Variants in DSCAM observed in about 807,000 individuals in gnomAD.
DSCAM encodes the protein cell adhesion molecule DSCAM.
Under a neutral mutation model 217.7 loss-of-function variants are expected in DSCAM, and 47 were observed. The ratio of observed to expected loss-of-function variants is 0.22; its 90% CI spans 0.17 to 0.28. The LOEUF (loss-of-function observed/expected upper bound fraction) is 0.28. Ranked by LOEUF, DSCAM falls within the 10% of genes least tolerant of loss-of-function variation. The probability of loss-of-function intolerance (pLI) is 1.00; values close to 1 mark genes in which losing one functional copy is unlikely to be tolerated. For missense variants in DSCAM, 2,080 were observed against 2,618.3 expected, an observed-to-expected ratio of 0.79 and a Z score of 4.49; for synonymous variants, 1,056 against 1,015.3, an observed-to-expected ratio of 1.04 and a Z score of -0.76.
intron 16 of DSCAM, among the ~76,000 whole-genome samples, chr21:40,161,121 C>T (rs184992241): frequency 5.3e-5 from 8 of 152,216 alleles, no homozygotes; most frequent in African/African-American, 1.4e-4. Context: ...TTCCTGGCTG[C>T]GCTCTAGGCT....
chr21:40,326,997 T>C (rs2074324790), intron 8 of DSCAM, among the ~76,000 whole-genome samples: 1 of 151,116 alleles, frequency 6.6e-6, no homozygotes, highest in African/African-American at 2.4e-5. Context: ...AAATGTTATA[T>C]AGGTGTATGA....
At chr21:40,790,247 T>C (rs898283379) in intron 1 of DSCAM, among the ~76,000 whole-genome samples, 1 of 147,140 alleles carries the variant, frequency 6.8e-6, no homozygotes, top group Non-Finnish European at 1.5e-5. Context: ...AGTGGCGCAA[T>C]CTCGGCTCAC....
intron 3 of DSCAM, among the ~76,000 whole-genome samples, chr21:40,633,364 A>T (rs2089716955): frequency 6.6e-6 from 1 of 152,196 alleles, no homozygotes; most frequent in African/African-American, 2.4e-5. Context: ...ACCCAGTTCC[A>T]CATCTCTCTG....
At chr21:40,371,238 C>T (rs2074895216) in intron 3 of DSCAM, among the ~76,000 whole-genome samples, 1 of 152,058 alleles carries the variant, frequency 6.6e-6, no homozygotes, top group African/African-American at 2.4e-5. Context: ...TATTATTCCC[C>T]AAAATGAAAG....
At chr21:40,583,659 C>T (rs1228622548) in intron 3 of DSCAM, among the ~76,000 whole-genome samples, 5 of 152,274 alleles carry the variant, frequency 3.3e-5, no homozygotes, top group South Asian at 2.1e-4. Flanking sequence ...GAAGGAAATT[C>T]CTTGAGTCTT....
In DSCAM at chr21:40,011,941, C is replaced by T. The variant is rs2088062983; in HGVS notation, c.*1093G>A. ...TCTGGCAAATGTTTCCTGTAATGGG[C>T]CAGGTAATAAATATTTTAGGCTTCA... On this transcript the variant is annotated 3_prime_UTR_variant, in exon 33 of 33. Coordinates refer to ENST00000400454, the MANE Select transcript of DSCAM (RefSeq NM_001389.5). 1 of 152,142 alleles carries T rather than the reference C, an allele frequency of 6.6e-6. No homozygotes were observed. The highest frequency in any genetic ancestry group is 1.5e-5 in the Non-Finnish European group (1 of 68,028). 9.4% of individuals were successfully genotyped at this position (152,142 alleles called of 1,614,324 possible).
chr21:40,667,800 C>T (rs1226043545), intron 3 of DSCAM, among the ~76,000 whole-genome samples: 5 of 152,144 alleles, frequency 3.3e-5, no homozygotes, highest in Admixed American at 2.0e-4. Context: ...TTTCCTGAGG[C>T]CTCCCCAGCC....
chr21:40,804,030 T>TA (rs2091765038), intron 1 of DSCAM, among the ~76,000 whole-genome samples: 1 of 151,736 alleles, frequency 6.6e-6, no homozygotes, highest in South Asian at 2.1e-4. Flanking sequence ...GGGAAATAGC[T>TA]AAAAATCCTT....
intron 14 of DSCAM, among the ~76,000 whole-genome samples, chr21:40,179,903 C>T (rs1300359482): frequency 6.6e-6 from 1 of 152,152 alleles, no homozygotes; most frequent in Non-Finnish European, 1.5e-5. Flanking sequence ...TGGTCGACAG[C>T]TGGTATTGGC....
At chr21:40,250,273 A>G (rs2073284433) in intron 11 of DSCAM, among the ~76,000 whole-genome samples, 1 of 152,152 alleles carries the variant, frequency 6.6e-6, no homozygotes, top group Admixed American at 6.5e-5. Context: ...AAACTTCTAC[A>G]TGGTAAGGAA....
intron 20 of DSCAM, among the ~76,000 whole-genome samples, chr21:40,102,439 G>C (rs1336987092): frequency 6.6e-6 from 1 of 152,114 alleles, no homozygotes; most frequent in African/African-American, 2.4e-5. Context: ...AGAGTCGTGG[G>C]TTCCTAAGGA....
chr21:40,675,847 C>G (rs73905051), intron 3 of DSCAM, among the ~76,000 whole-genome samples: 1,879 of 152,280 alleles, frequency 0.012, 31 homozygotes, highest in African/African-American at 0.043. Context: ...TTTAACTAAC[C>G]CTTCAAAAGA....
chr21:40,115,724 G>A (rs925300675), intron 20 of DSCAM, among the ~76,000 whole-genome samples: 6 of 152,124 alleles, frequency 3.9e-5, no homozygotes, highest in Non-Finnish European at 2.9e-5. Flanking sequence ...ATTAGTTCAG[G>A]CATTGTGGAA....
intron 11 of DSCAM, among the ~76,000 whole-genome samples, chr21:40,249,089 T>G (rs577163372): frequency 1.3e-5 from 2 of 152,324 alleles, no homozygotes; most frequent in South Asian, 4.1e-4. Context: ...GAGATACAAT[T>G]CTAGTAGAGA....
chr21:40,343,855 C>T (rs534881743), intron 6 of DSCAM, among the ~76,000 whole-genome samples: 14 of 149,828 alleles, frequency 9.3e-5, no homozygotes, highest in African/African-American at 2.7e-4. Context: ...TATTTTATTT[C>T]ATTTTATTTT....
intron 22 of DSCAM, among the ~76,000 whole-genome samples, chr21:40,085,985 C>G (rs1416801031): frequency 3.3e-5 from 5 of 152,182 alleles, no homozygotes; most frequent in African/African-American, 1.2e-4. Context: ...AAGATGAGAT[C>G]TGTGTCAAGG....
At chr21:40,376,098 T>C (rs2074947333) in intron 3 of DSCAM, among the ~76,000 whole-genome samples, 1 of 152,192 alleles carries the variant, frequency 6.6e-6, no homozygotes, top group Non-Finnish European at 1.5e-5. Context: ...TGTTGTTGTG[T>C]TTTTCCTATT....
chr21:40,075,230 G>C lies in DSCAM; in HGVS notation c.4712-17C>G, dbSNP rs773231541. On this transcript the variant is annotated splice_polypyrimidine_tract_variant and intron_variant, in intron 26 of 32. Coordinates refer to ENST00000400454, the MANE Select transcript of DSCAM (RefSeq NM_001389.5). ...GAATTGTACCTGAAAGCAGGGCCAC[G>C]GTGTTAGATGGCTATTAATGAAGAC... 1 of 1,613,608 alleles carries C rather than the reference G, an allele frequency of 6.2e-7. No homozygotes were observed. Among genetic ancestry groups the C allele is most frequent in the Non-Finnish European group, 8.5e-7 (1 of 1,179,588 alleles).
At chr21:40,204,801 C>G (rs2146864509) in intron 11 of DSCAM, among the ~76,000 whole-genome samples, 1 of 152,250 alleles carries the variant, frequency 6.6e-6, no homozygotes, top group South Asian at 2.1e-4. Flanking sequence ...GAGTAAATGC[C>G]AACACAAGCA....
Sources: allele counts gnomAD v4.1 joint callset (sites outside exome capture counted in the v4.1 genomes callset), GRCh38; gene constraint gnomAD v4.1.1; transcripts MANE v1.5; gene names NCBI Gene and HGNC (gene_info 2026-07-23, HGNC 2026-07-21).